Variants in STK26 observed in about 807,000 individuals in gnomAD.
STK26 encodes the protein serine/threonine kinase 26.
Under a neutral mutation model 34.7 loss-of-function variants are expected in STK26, and 14 were observed. That is an observed-to-expected ratio of 0.40 (90% CI 0.27 to 0.63). STK26 has a LOEUF of 0.63. STK26 is among the 30% of genes least tolerant of loss of function. STK26 has a pLI of 0.38. For missense variants in STK26, 226 were observed against 309.1 expected, an observed-to-expected ratio of 0.73 and a Z score of 2.02; for synonymous variants, 100 against 109.8, an observed-to-expected ratio of 0.91 and a Z score of 0.56.
chrX:132,024,934 AAGAG>A (rs10555999), intron 2 of STK26, among the ~76,000 whole-genome samples: 2,368 of 109,854 alleles, frequency 0.022, 64 homozygotes, highest in African/African-American at 0.074. Flanking sequence ...ATATTAAATA[AAGAG>A]AGAGAGAGAA....
At chrX:132,050,142 C>T (rs1023854538) in intron 2 of STK26, among the ~76,000 whole-genome samples, 10 of 110,980 alleles carry the variant, frequency 9.0e-5, no homozygotes, top group African/African-American at 2.0e-4. Flanking sequence ...ATTCTAAATC[C>T]GTCTTCAATG....
In STK26 at chrX:132,045,706, T is replaced by A. The variant is rs763480510; in HGVS notation, c.43-8925T>A. ...CATTTATTGTGATGATAGCCTTGAC[T>A]TTCGGTTTATTGAGAGAAGAATGTG... On this transcript the variant is annotated intron_variant, in intron 2 of 11. Transcript: ENST00000394334. 2.3e-3 allele frequency among the ~76,000 whole-genome samples: 255 copies of A among 112,151 alleles called. 1 individual carries two copies. The highest frequency in any genetic ancestry group is 7.9e-3 in the African/African-American group (244 of 30,955).
intron 3 of STK26, among the ~76,000 whole-genome samples, chrX:132,056,196 G>A (rs937469896): frequency 5.4e-5 from 6 of 111,948 alleles, no homozygotes; most frequent in Non-Finnish European, 1.1e-4. Flanking sequence ...TGTTCTTTTG[G>A]TGGTGAGATG....
chrX:132,040,331 ATTTTC>A (rs1041948152), intron 2 of STK26, among the ~76,000 whole-genome samples: 5 of 112,276 alleles, frequency 4.5e-5, no homozygotes, highest in Non-Finnish European at 9.4e-5. Context: ...AATAGAAAAG[ATTTTC>A]ACTTTACTAA....
chrX:132,044,627 T>TTCTCTCTCTCTC (rs202173059), intron 2 of STK26, among the ~76,000 whole-genome samples: 1 of 43,094 alleles, frequency 2.3e-5, no homozygotes, highest in Non-Finnish European at 4.3e-5. Flanking sequence ...GATGTTCAAA[T>TTCTCTCTCTCTC]TCTCTCTCTC....
chrX:132,062,154 C>T lies in STK26; in HGVS notation c.274-1279C>T, dbSNP rs144983679. 8.1e-3 allele frequency among the ~76,000 whole-genome samples: 906 copies of T among 111,805 alleles called. 8 individuals are homozygous for T. Among genetic ancestry groups the T allele is most frequent in the African/African-American group, 0.028 (856 of 30,721 alleles). ...AAATTCTGAACATCTTACTTAAAAA[C>T]CAACTTTTGGAACACAGTCCAGTCA... On this transcript the variant is annotated intron_variant, in intron 3 of 11. Transcript: ENST00000394334.
Position 132,046,463 on chromosome X carries a change from T to C in STK26, c.43-8168T>C, listed in dbSNP as rs140687309. Among the ~76,000 whole-genome samples, 724 of 112,038 alleles carry C rather than the reference T, an allele frequency of 6.5e-3. 5 individuals are homozygous for C. The highest frequency in any genetic ancestry group is 0.022 in the African/African-American group (678 of 30,886). ...TTAATGAAGTTATCCTTTACTAAAA[T>C]ATCTCATTCTAAGTATTTTTGCTAA... On this transcript the variant is annotated intron_variant, in intron 2 of 11. Transcript: ENST00000394334.
intron 2 of STK26, among the ~76,000 whole-genome samples, chrX:132,052,034 G>T (rs1489888155): frequency 1.8e-5 from 2 of 110,495 alleles, no homozygotes; most frequent in Non-Finnish European, 3.8e-5. Context: ...ATTCTTAAAA[G>T]AATATTTGAT....
intron 3 of STK26, among the ~76,000 whole-genome samples, chrX:132,057,394 C>G (rs1421568730): frequency 9.0e-6 from 1 of 111,476 alleles, no homozygotes. Context: ...CATCTTTGTT[C>G]CTAGACATTT....
chrX:132,040,255 A>C (rs756284517), intron 2 of STK26, among the ~76,000 whole-genome samples: 1 of 112,722 alleles, frequency 8.9e-6, no homozygotes, highest in East Asian at 2.8e-4. Flanking sequence ...CCCGACTGAG[A>C]ATTGCTGATG....
At chrX:132,048,096 C>T (rs183699681) in intron 2 of STK26, among the ~76,000 whole-genome samples, 2 of 111,417 alleles carry the variant, frequency 1.8e-5, no homozygotes, top group Admixed American at 9.5e-5. Context: ...AAAATACTAA[C>T]AGAGTGGATG....
At chrX:132,068,720 C>T (rs910246490) in intron 6 of STK26, 151 bp downstream of exon 6, 17 of 590,810 alleles carry the variant, frequency 2.9e-5, no homozygotes, top group Middle Eastern at 5.6e-4. Context: ...ATCATAAATT[C>T]CCTCACAGCT....
At chrX:132,055,345 C>T in intron 3 of STK26, 1 of 712,226 alleles carries the variant, frequency 1.4e-6, no homozygotes, top group Non-Finnish European at 2.1e-6. Context: ...CATTCCTTAG[C>T]ACAGGGTATG....
intron 2 of STK26, among the ~76,000 whole-genome samples, chrX:132,044,826 T>TAG (rs1193241824): frequency 8.3e-5 from 5 of 60,033 alleles, no homozygotes; most frequent in African/African-American, 2.2e-4. Context: ...TATTTATATA[T>TAG]ATAGAGAGAG....
Position 132,069,632 on chromosome X carries a change from T to C in STK26, c.752T>C (p.Ile251Thr). ...GDFTKSFKEF[I>T]DACLNKDPSF... ...TTTACTAAGTCTTTTAAGGAGTTTA[T>C]TGATGCTTGCCTGAACAAAGATCCA... The change falls in exon 7 of 12, where the codon ATT (isoleucine) becomes ACT (threonine). Residue 251 changes from isoleucine (I) to threonine (T), a missense_variant. Physicochemically the swap from Ile to Thr is moderately conservative, Grantham distance 89 (BLOSUM62 -1). Around this residue, in one of 2 missense-constraint regions of STK26, gnomAD observed 126 missense variants for 132.4 expected, o/e 0.95. Transcript: ENST00000394334. 1.7e-6 allele frequency: 2 copies of C among 1,151,667 alleles called. No individual in the cohort carries two copies. The highest frequency in any genetic ancestry group is 2.3e-6 in the Non-Finnish European group (2 of 867,014). The allele number at this position is 1,151,667 out of a possible 1,213,427, so 94.9% of individuals were successfully genotyped here.
At chrX:132,030,344 C>G (rs1383119245) in intron 2 of STK26, among the ~76,000 whole-genome samples, 1 of 110,033 alleles carries the variant, frequency 9.1e-6, no homozygotes, top group Non-Finnish European at 1.9e-5. Context: ...TGTACTTTCC[C>G]ATGACTCTTC....
chrX:132,052,916 TAGTA>T (rs1441835414), intron 2 of STK26, among the ~76,000 whole-genome samples: 1 of 111,864 alleles, frequency 8.9e-6, no homozygotes, highest in African/African-American at 3.2e-5. Flanking sequence ...CCAAGCTATG[TAGTA>T]AGTATTTTTT....
intron 3 of STK26, among the ~76,000 whole-genome samples, chrX:132,060,574 G>T (rs1056703341): frequency 9.3e-6 from 1 of 107,254 alleles, no homozygotes; most frequent in Non-Finnish European, 1.9e-5. Context: ...TGTTTTTTTT[G>T]TTTGTTTGTT....
intron 4 of STK26, 51 bp downstream of exon 4, chrX:132,063,540 A>G (rs776975197): frequency 9.3e-7 from 1 of 1,077,090 alleles, no homozygotes; most frequent in East Asian, 3.0e-5. Context: ...GCATATGCAC[A>G]TACCTTAATT....
Sources: gnomAD v4.1 joint callset for allele counts (sites outside exome capture counted in the v4.1 genomes callset) on GRCh38, gnomAD v4.1.1 for gene constraint, gnomAD v4.1.1 regional missense constraint, MANE v1.5 for transcripts, NCBI Gene and HGNC (gene_info 2026-07-23, HGNC 2026-07-21) for gene names.